DNAH14: variants seen among roughly 807,000 people sequenced by gnomAD.
The protein encoded by DNAH14 is dynein axonemal heavy chain 14.
In DNAH14, 478 loss-of-function variants were observed where a neutral mutation model predicts 520.9. That is an observed-to-expected ratio of 0.92 (90% CI 0.85 to 0.99). The LOEUF is 0.99. Among genes scored for constraint, DNAH14 ranks in the 50% least tolerant of loss-of-function variants. The pLI is 0.00. For synonymous variants in DNAH14, 1,581 were observed against 1,757.2 expected, an observed-to-expected ratio of 0.90 and a Z score of 2.51; for missense variants, 4,831 against 5,234.5, an observed-to-expected ratio of 0.92 and a Z score of 2.38.
At chr1:225,270,977 A>G in intron 50 of DNAH14, 111 bp downstream of exon 50, 1 of 1,137,570 alleles carries the variant, frequency 8.8e-7, no homozygotes. Context: ...AAGGGGATAG[A>G]TTTTATTTCC....
chr1:225,048,697 A>G (rs1025510004), intron 15 of DNAH14, among the ~76,000 whole-genome samples: 2 of 152,116 alleles, frequency 1.3e-5, no homozygotes, highest in East Asian at 1.9e-4. Flanking sequence ...GATTAATCCA[A>G]ATTTTCCTTT....
chr1:225,013,342 T>G (rs1372182988), intron 10 of DNAH14, among the ~76,000 whole-genome samples: 1 of 150,776 alleles, frequency 6.6e-6, no homozygotes, highest in East Asian at 1.9e-4. Flanking sequence ...CTCTGGAAGC[T>G]TTGTCTCAGG....
At chr1:225,077,114 AAG>A (rs1396047303) in intron 17 of DNAH14, among the ~76,000 whole-genome samples, 1 of 152,182 alleles carries the variant, frequency 6.6e-6, no homozygotes, top group Non-Finnish European at 1.5e-5. Flanking sequence ...TTAGTTTGAT[AAG>A]AGTTTTTATT....
chr1:225,388,380 A>G lies in DNAH14; in HGVS notation c.13079A>G (p.Lys4360Arg). Residue 4360 changes from lysine (K) to arginine (R), a missense_variant and splice_region_variant, in exon 82 of 86, where the codon AAA becomes AGA. Transcript: ENST00000682510. Reference protein sequence around the residue: ...LNMRVPTLWQKHAYRSCKPLS... With the variant: ...LNMRVPTLWQRHAYRSCKPLS... ...GTGACTGTCTTTAAATCCCAACAGA[A>G]ACACGCCTACAGATCTTGTAAGCCA... is the stretch of plus-strand genomic sequence containing the variant. 1 of 1,500,604 alleles carries G rather than the reference A, an allele frequency of 6.7e-7. No homozygotes were observed. The highest frequency in any genetic ancestry group is 2.5e-5 in the East Asian group (1 of 39,974). The allele number at this position is 1,500,604 out of a possible 1,614,324, so 93.0% of individuals were successfully genotyped here.
rs770116523 is a variant in DNAH14, at chr1:225,118,138, T to G, written c.4091+139T>G. The G allele has an allele frequency of 3.6e-5, 27 of 755,196 alleles. 1 individual carries two copies. The South Asian group carries it at 4.0e-4, about 11-fold the overall frequency. The allele number at this position is 755,196 out of a possible 1,614,324, so 46.8% of individuals were successfully genotyped here. A position where few individuals can be genotyped will look rare whatever the true frequency, so the allele number is the denominator to read the frequency against. Reference sequence around the variant, plus strand: ...GATTATATCCTTACGTAAATATACTTTTGCCTTTCCATATTCCCTACAATA... The same window carrying G: ...GATTATATCCTTACGTAAATATACTGTTGCCTTTCCATATTCCCTACAATA... On this transcript the variant is annotated intron_variant, in intron 25 of 85. Coordinates refer to ENST00000682510, the MANE Select transcript of DNAH14 (RefSeq NM_001367479.1).
chr1:225,163,181 G>C (rs568972576), intron 35 of DNAH14, among the ~76,000 whole-genome samples: 44 of 145,120 alleles, frequency 3.0e-4, no homozygotes, highest in African/African-American at 1.1e-3. Flanking sequence ...AAATGCTACT[G>C]ATTTTTTATT....
Position 225,249,265 on chromosome 1 carries a change from G to C in DNAH14, c.6749-3036G>C, listed in dbSNP as rs188434172. ...TTTTGAAATAAAAAAGATGGATCAA[G>C]GTGGGTGATGGTGGACTATAATAAT... On this transcript the variant is annotated intron_variant, in intron 43 of 85. Coordinates refer to ENST00000682510, the MANE Select transcript of DNAH14 (RefSeq NM_001367479.1). Among the ~76,000 whole-genome samples, 684 of 152,280 alleles carry C rather than the reference G, an allele frequency of 4.5e-3. 4 individuals are homozygous for C. The highest frequency in any genetic ancestry group is 0.016 in the African/African-American group (652 of 41,562).
chr1:225,277,579 G>A, intron 54 of DNAH14, 77 bp downstream of exon 54: 1 of 444,890 alleles, frequency 2.2e-6, no homozygotes, highest in Non-Finnish European at 4.7e-6. Context: ...TGTACTTACA[G>A]AAGTTTTATT....
intron 54 of DNAH14, among the ~76,000 whole-genome samples, chr1:225,284,014 T>C (rs988495201): frequency 1.2e-4 from 18 of 152,092 alleles, no homozygotes; most frequent in African/African-American, 4.3e-4. Context: ...AAGATGTTCT[T>C]TAAGAGAAAT....
intron 69 of DNAH14, among the ~76,000 whole-genome samples, chr1:225,342,287 T>A (rs182392062): frequency 3.2e-4 from 49 of 152,114 alleles, no homozygotes; most frequent in African/African-American, 1.2e-3. Context: ...CTGGGAGCAA[T>A]ATTGACCATT....
intron 41 of DNAH14, among the ~76,000 whole-genome samples, 171 bp downstream of exon 41, chr1:225,207,391 A>T (rs913019677): frequency 6.6e-6 from 1 of 152,238 alleles, no homozygotes; most frequent in Admixed American, 6.5e-5. Flanking sequence ...ATAGAGGAAC[A>T]TATCAAAAGT....
chr1:225,117,937 C>T lies in DNAH14; in HGVS notation c.4029C>T (p.Asp1343=). The part of the protein sequence containing the change: ...NIKQLLIWKQ[D]IGPPAVKMLI... ...AACAATTATTGATATGGAAACAAGA[C>T]ATTGGCCCTCCTGCTGTAAAAATGC... The change falls in exon 25 of 86, where the codon GAC becomes GAT. Residue 1343 remains aspartate, a synonymous_variant. Transcript: ENST00000682510. The T allele has an allele frequency of 6.4e-7, 1 of 1,551,472 alleles. No homozygotes were observed.
At chr1:225,316,670 C>A (rs947075484) in intron 60 of DNAH14, among the ~76,000 whole-genome samples, 2 of 152,160 alleles carry the variant, frequency 1.3e-5, no homozygotes, top group African/African-American at 4.8e-5. Context: ...GTTCTCCCTC[C>A]ATGGGCTGCA....
At chr1:225,331,943 A>G (rs905050671) in intron 65 of DNAH14, among the ~76,000 whole-genome samples, 1 of 147,258 alleles carries the variant, frequency 6.8e-6, no homozygotes, top group Non-Finnish European at 1.5e-5. Context: ...GAGAGATGTC[A>G]TTAGTAAAGA....
intron 43 of DNAH14, among the ~76,000 whole-genome samples, chr1:225,241,149 T>A (rs1217271319): frequency 1.3e-5 from 2 of 152,018 alleles, no homozygotes; most frequent in Non-Finnish European, 2.9e-5. Context: ...TTCTGTAGGA[T>A]CATAATATTA....
chr1:225,341,553 C>T (rs2095181172), intron 69 of DNAH14, among the ~76,000 whole-genome samples: 1 of 152,138 alleles, frequency 6.6e-6, no homozygotes, highest in African/African-American at 2.4e-5. Flanking sequence ...GTAATCCCAG[C>T]TACTTGGGAG....
intron 41 of DNAH14, among the ~76,000 whole-genome samples, chr1:225,225,882 T>G (rs1408358571): frequency 6.6e-6 from 1 of 151,988 alleles, no homozygotes; most frequent in East Asian, 1.9e-4. Flanking sequence ...GTACCAGAAA[T>G]GAAGGAAATG....
chr1:225,036,357 G>A (rs971814610), intron 11 of DNAH14, among the ~76,000 whole-genome samples: 4 of 151,962 alleles, frequency 2.6e-5, no homozygotes, highest in African/African-American at 7.2e-5. Context: ...GACTGGTCTC[G>A]AACTCCTGAC....
intron 43 of DNAH14, among the ~76,000 whole-genome samples, chr1:225,246,344 A>C (rs922700458): frequency 6.6e-6 from 1 of 152,296 alleles, no homozygotes; most frequent in African/African-American, 2.4e-5. Context: ...CTGTGACACC[A>C]AAAGCAGTTG....
Sources: gnomAD v4.1 joint callset for allele counts (sites outside exome capture counted in the v4.1 genomes callset) on GRCh38, gnomAD v4.1.1 for gene constraint, MANE v1.5 for transcripts, NCBI Gene and HGNC (gene_info 2026-07-23, HGNC 2026-07-21) for gene names.